Variants in DNAH11 observed in about 807,000 individuals in gnomAD.
DNAH11 encodes the protein axonemal beta dynein heavy chain 11.
Under a neutral mutation model 526.0 loss-of-function variants are expected in DNAH11, and 442 were observed. The ratio of observed to expected loss-of-function variants is 0.84; its 90% CI spans 0.78 to 0.91. DNAH11 has a LOEUF of 0.91. Among genes scored for constraint, DNAH11 ranks in the 40% least tolerant of loss-of-function variants. The probability of loss-of-function intolerance (pLI) is 0.00; values close to 1 mark genes in which losing one functional copy is unlikely to be tolerated. For synonymous variants in DNAH11, 2,461 were observed against 1,935.9 expected, an observed-to-expected ratio of 1.27 and a Z score of -7.12; for missense variants, 6,989 against 5,448.7, an observed-to-expected ratio of 1.28 and a Z score of -8.90.
intron 20 of DNAH11, among the ~76,000 whole-genome samples, chr7:21,612,980 G>A (rs1785594371): frequency 1.3e-5 from 2 of 152,090 alleles, no homozygotes; most frequent in African/African-American, 4.8e-5. Context: ...ACACTTAGCA[G>A]CCATTTTTTA....
intron 70 of DNAH11, among the ~76,000 whole-genome samples, chr7:21,865,361 G>C (rs1562592091): frequency 6.6e-6 from 1 of 152,094 alleles, no homozygotes. Flanking sequence ...TGTAACTTTA[G>C]AATTCAAAAT....
chr7:21,653,465 C>A (rs1781873224), intron 28 of DNAH11, among the ~76,000 whole-genome samples: 1 of 152,124 alleles, frequency 6.6e-6, no homozygotes, highest in African/African-American at 2.4e-5. Context: ...GCTAGAAGTT[C>A]TTGAAATTAT....
intron 1 of DNAH11, 100 bp from the exon 2 acceptor site, chr7:21,544,906 T>G: frequency 9.7e-7 from 1 of 1,028,802 alleles, no homozygotes; most frequent in Non-Finnish European, 1.4e-6. Context: ...GATGCCAGGT[T>G]TTGTTTCTTC....
intron 55 of DNAH11, among the ~76,000 whole-genome samples, chr7:21,768,623 G>A (rs1181012044): frequency 2.0e-5 from 3 of 152,172 alleles, no homozygotes; most frequent in African/African-American, 7.2e-5. Flanking sequence ...CGTATCATCA[G>A]CTTTTTCAGG....
At chr7:21,834,013 G>A (rs978254802) in intron 65 of DNAH11, among the ~76,000 whole-genome samples, 2 of 152,132 alleles carry the variant, frequency 1.3e-5, no homozygotes, top group Admixed American at 6.5e-5. Context: ...CCTCACAGAC[G>A]TTTACAGAAC....
intron 61 of DNAH11, among the ~76,000 whole-genome samples, chr7:21,791,327 A>G (rs761077715): frequency 5.3e-5 from 8 of 152,210 alleles, no homozygotes; most frequent in Admixed American, 2.0e-4. Context: ...TTCTTTAGGG[A>G]AGAATCTCTC....
At chr7:21,899,239 C>A in intron 79 of DNAH11, 97 bp from the exon 80 acceptor site, 1 of 918,796 alleles carries the variant, frequency 1.1e-6, no homozygotes, top group African/African-American at 1.6e-5. Context: ...TACTTCTCCT[C>A]CACCACCACC....
intron 28 of DNAH11, among the ~76,000 whole-genome samples, chr7:21,652,675 A>C (rs975542765): frequency 6.5e-4 from 99 of 152,254 alleles, no homozygotes; most frequent in African/African-American, 2.3e-3. Context: ...CGTGATTTCA[A>C]CTGGTGTGGT....
chr7:21,898,624 C>T (rs557021693), intron 79 of DNAH11, among the ~76,000 whole-genome samples: 44 of 152,304 alleles, frequency 2.9e-4, no homozygotes, highest in South Asian at 1.2e-3. Context: ...TTTCACTTCT[C>T]TCTTAATTTT....
intron 22 of DNAH11, 42 bp from the exon 23 acceptor site, chr7:21,617,577 T>A (rs1785835320): frequency 6.2e-7 from 1 of 1,605,788 alleles, no homozygotes; most frequent in Non-Finnish European, 8.5e-7. Flanking sequence ...ATATACTGTG[T>A]TATATCTTGG....
At chr7:21,749,562 G>C in intron 52 of DNAH11, 116 bp from the exon 53 acceptor site, 1 of 1,358,398 alleles carries the variant, frequency 7.4e-7, no homozygotes. Flanking sequence ...ACCAGGGAAA[G>C]GCACCCCACA....
chr7:21,758,935 C>T (rs1786760659), intron 54 of DNAH11, among the ~76,000 whole-genome samples: 1 of 152,198 alleles, frequency 6.6e-6, no homozygotes, highest in Non-Finnish European at 1.5e-5. Flanking sequence ...TCTAACAGAG[C>T]AGCGCTGATC....
chr7:21,701,823 T>A (rs1784073759), intron 36 of DNAH11, among the ~76,000 whole-genome samples: 1 of 152,170 alleles, frequency 6.6e-6, no homozygotes, highest in Non-Finnish European at 1.5e-5. Flanking sequence ...TCTCCCTTTT[T>A]ATAGATGATG....
Position 21,619,967 on chromosome 7 carries a change from A to G in DNAH11, c.4389A>G (p.Glu1463=). 1 of 1,600,242 alleles carries G rather than the reference A, an allele frequency of 6.2e-7. No homozygotes were observed. The highest frequency in any genetic ancestry group is 2.3e-5 in the East Asian group (1 of 44,234). Residue 1463 remains glutamate, a synonymous_variant, in exon 25 of 82, where the codon GAA becomes GAG. Coordinates refer to ENST00000409508, the MANE Select transcript of DNAH11 (RefSeq NM_001277115.2). ...TTGTTGATTACTAGGTTATTACTGA[A>G]ATCAGTCAGACCTGGGCAACCATGA... ...KELGTEKVIT[E]ISQTWATMKF... is the part of the protein sequence containing the mutation.
chr7:21,679,291 A>T (rs1457223594), intron 30 of DNAH11, among the ~76,000 whole-genome samples: 1 of 152,246 alleles, frequency 6.6e-6, no homozygotes, highest in African/African-American at 2.4e-5. Flanking sequence ...CAGTTATAGC[A>T]TGAATAAGTT....
chr7:21,590,418 A>G (rs1442760144), intron 12 of DNAH11, among the ~76,000 whole-genome samples: 1 of 152,208 alleles, frequency 6.6e-6, no homozygotes, highest in African/African-American at 2.4e-5. Context: ...TTAAACATCT[A>G]GCTGAATTTT....
At chr7:21,677,128 A>G (rs1782925572) in intron 30 of DNAH11, among the ~76,000 whole-genome samples, 1 of 152,146 alleles carries the variant, frequency 6.6e-6, no homozygotes, top group African/African-American at 2.4e-5. Flanking sequence ...CTACTTTTTA[A>G]AGATGCAATG....
intron 45 of DNAH11, among the ~76,000 whole-genome samples, chr7:21,729,088 C>A (rs1180468337): frequency 1.3e-5 from 2 of 152,218 alleles, no homozygotes; most frequent in Admixed American, 1.3e-4. Context: ...CTGTACCTTT[C>A]GGGCCGGCCA....
intron 73 of DNAH11, 125 bp downstream of exon 73, chr7:21,869,116 G>A (rs1007968698): frequency 4.4e-6 from 6 of 1,362,782 alleles, no homozygotes; most frequent in South Asian, 1.4e-5. Context: ...AGTGCAAGCA[G>A]TACTGTCAGT....
Sources: allele counts gnomAD v4.1 joint callset (sites outside exome capture counted in the v4.1 genomes callset), GRCh38; gene constraint gnomAD v4.1.1; transcripts MANE v1.5; gene names NCBI Gene and HGNC (gene_info 2026-07-23, HGNC 2026-07-21).